MYH15: variants seen among roughly 807,000 people sequenced by gnomAD.
MYH15 encodes myosin heavy chain 15, also known as myosin-15.
MYH15 carries 227 observed loss-of-function variants against 240.5 expected under a neutral mutation model. The ratio of observed to expected loss-of-function variants is 0.94; its 90% CI spans 0.85 to 1.05. MYH15 has a LOEUF of 1.05. Ranked by LOEUF, MYH15 falls within the 50% of genes least tolerant of loss-of-function variation. MYH15 has a pLI of 0.00. For synonymous variants in MYH15, 785 were observed against 796.7 expected (o/e 0.99, Z 0.25); for missense variants, 2,217 against 2,247.5 (o/e 0.99, Z 0.27).
At chr3:108,486,716 T>G (rs2083308797) in intron 9 of MYH15, among the ~76,000 whole-genome samples, 190 bp from the exon 10 acceptor site, 1 of 152,280 alleles carries the variant, frequency 6.6e-6, no homozygotes, top group East Asian at 1.9e-4. Context: ...AGTCATGTGT[T>G]AATGCCTCCC....
At position 108,470,200 on chromosome 3, in the gene MYH15, C is replaced by A. The variant is rs750934547; in HGVS notation, c.1396G>T (p.Glu466Ter). Residue 466 changes from glutamate (E) to a stop codon, truncating the protein, a stop_gained, in exon 14 of 41, where the codon GAG becomes TAG. Transcript: ENST00000693548. LOFTEE classifies it high-confidence loss of function. ...GFEILEYNSL[E>*]QLCINFTNEK... ...TTGGTAAAATTAATGCAAAGTTGCT[C>A]AAGGCTATTATACTTCAAGGATATG... 6.2e-7 allele frequency: 1 copy of A among 1,603,622 alleles called. No homozygotes were observed.
the MYH15 span, among the ~76,000 whole-genome samples, chr3:108,548,941 T>C: frequency 2.6e-5 from 4 of 152,074 alleles, no homozygotes; most frequent in Admixed American, 6.6e-5. Context: ...AGACACAGCA[T>C]ACAGTTTCAT....
chr3:108,386,676 A>G (rs1425697485), intron 38 of MYH15, among the ~76,000 whole-genome samples: 1 of 151,746 alleles, frequency 6.6e-6, no homozygotes, highest in Non-Finnish European at 1.5e-5. Context: ...GCTTGCTTGC[A>G]TCTTCATCCT....
chr3:108,464,908 G>T, intron 14 of MYH15, 94 bp from the exon 15 acceptor site: 1 of 1,086,666 alleles, frequency 9.2e-7, no homozygotes, highest in Non-Finnish European at 1.3e-6. Flanking sequence ...AACCTAATCA[G>T]TTGACAAAGG....
chr3:108,444,721 T>C lies in MYH15; in HGVS notation c.2574A>G (p.Ser858=), dbSNP rs1384948410. The C allele has an allele frequency of 8.1e-6, 13 of 1,614,058 alleles. No individual in the cohort carries two copies. The highest frequency in any genetic ancestry group is 1.1e-5 in the Non-Finnish European group (13 of 1,179,956). ...CAQLQKALEK[S]EFQREELKAK... is the part of the protein sequence containing the mutation. ...CTTTCAGTTCCTCCCTCTGAAACTCTGATTTCTCCAAGGCTTTCTGTAATT... is the reference window on the plus strand; with the variant it reads ...CTTTCAGTTCCTCCCTCTGAAACTCCGATTTCTCCAAGGCTTTCTGTAATT... Residue 858 remains serine, a synonymous_variant, in exon 22 of 41, where the codon TCA becomes TCG. Transcript: ENST00000693548.
intron 11 of MYH15, among the ~76,000 whole-genome samples, chr3:108,478,998 A>G (rs1225422969): frequency 2.6e-5 from 4 of 152,224 alleles, no homozygotes; most frequent in African/African-American, 9.6e-5. Context: ...GATTTACATT[A>G]TACATCACAT....
At position 108,455,835 on chromosome 3, in the gene MYH15, G is replaced by C; in HGVS notation, c.2163C>G (p.Thr721=). Residue 721 remains threonine, a synonymous_variant, in exon 20 of 41, where the codon ACC becomes ACG. Coordinates refer to ENST00000693548, the MANE Select transcript of MYH15 (RefSeq NM_014981.3). ...KQRYCILNPR[T]FPKSKFVSSR... is the part of the protein sequence containing the mutation. ...TGCTCACAAACTTGCTCTTTGGAAA[G>C]GTCCTTGGATTCAGAATGCAGTACC... The C allele has an allele frequency of 6.2e-7, 1 of 1,612,896 alleles. No individual in the cohort carries two copies. The highest frequency in any genetic ancestry group is 8.5e-7 in the Non-Finnish European group (1 of 1,179,028).
intron 16 of MYH15, among the ~76,000 whole-genome samples, chr3:108,461,476 G>C (rs1178930717): frequency 2.6e-5 from 4 of 151,976 alleles, no homozygotes; most frequent in Non-Finnish European, 5.9e-5. Flanking sequence ...GGTGCTTAAA[G>C]AATTATTTAA....
chr3:108,521,863 C>A (rs908940458), intron 1 of MYH15, among the ~76,000 whole-genome samples: 1 of 152,136 alleles, frequency 6.6e-6, no homozygotes, highest in Non-Finnish European at 1.5e-5. Flanking sequence ...CTTTGGGAGA[C>A]TGCAAACCAT....
chr3:108,458,879 A>C (rs1416850346), intron 18 of MYH15, among the ~76,000 whole-genome samples: 1 of 152,308 alleles, frequency 6.6e-6, no homozygotes, highest in East Asian at 1.9e-4. Context: ...GAAAGAGGGA[A>C]GAAGATGTTG....
intron 11 of MYH15, among the ~76,000 whole-genome samples, chr3:108,478,408 T>C (rs1292584625): frequency 1.3e-5 from 2 of 152,152 alleles, no homozygotes; most frequent in East Asian, 3.9e-4. Flanking sequence ...GAAAAATAAA[T>C]GAAAATCAAA....
chr3:108,389,347 C>A (rs1251593433), intron 37 of MYH15, among the ~76,000 whole-genome samples: 7 of 152,168 alleles, frequency 4.6e-5, no homozygotes, highest in Non-Finnish European at 5.9e-5. Flanking sequence ...AAACCACACC[C>A]AAAGTGTATG....
At chr3:108,424,182 A>G (rs2082708375) in intron 27 of MYH15, among the ~76,000 whole-genome samples, 1 of 152,192 alleles carries the variant, frequency 6.6e-6, no homozygotes, top group African/African-American at 2.4e-5. Context: ...TTTTCAAGAG[A>G]GGTCTCCACG....
intron 2 of MYH15, among the ~76,000 whole-genome samples, chr3:108,504,738 G>A (rs151221209): frequency 6.6e-6 from 1 of 152,322 alleles, no homozygotes; most frequent in Non-Finnish European, 1.5e-5. Flanking sequence ...TGTGAAGTCA[G>A]CAATGTAGGC....
chr3:108,511,075 C>T (rs972469708), upstream of MYH15, among the ~76,000 whole-genome samples: 6 of 151,890 alleles, frequency 4.0e-5, no homozygotes, highest in African/African-American at 1.5e-4. Flanking sequence ...TAGGATATTC[C>T]AGATGGAGAA....
chr3:108,542,961 A>G, the MYH15 span, among the ~76,000 whole-genome samples: 2 of 149,942 alleles, frequency 1.3e-5, no homozygotes, highest in Admixed American at 1.3e-4. Context: ...GCTCACTGTA[A>G]CCTCTGCCTC....
At chr3:108,541,258 TGA>T in the MYH15 span, among the ~76,000 whole-genome samples, 14 of 151,548 alleles carry the variant, frequency 9.2e-5, no homozygotes, top group Admixed American at 2.6e-4. Flanking sequence ...CAAATAAATA[TGA>T]GAGATTGCTC....
chr3:108,432,630 G>A (rs1273143773), intron 25 of MYH15, among the ~76,000 whole-genome samples: 7 of 152,104 alleles, frequency 4.6e-5, no homozygotes, highest in South Asian at 2.1e-4. Flanking sequence ...CAGGGTCCCC[G>A]TGCTGCGTGC....
In MYH15 at chr3:108,394,018, T is replaced by C; in HGVS notation, c.5259+13A>G. The C allele has an allele frequency of 6.2e-7, 1 of 1,613,392 alleles. No individual in the cohort carries two copies. On this transcript the variant is annotated intron_variant, in intron 36 of 40. Transcript: ENST00000693548. ...CTGGGAGACAGGATTGAGTACGTGG[T>C]CAAGGGACCCACCTCAATGGCTGCC...
Sources: allele counts gnomAD v4.1 joint callset (sites outside exome capture counted in the v4.1 genomes callset), GRCh38; gene constraint gnomAD v4.1.1; transcripts MANE v1.5; gene names NCBI Gene and HGNC (gene_info 2026-07-23, HGNC 2026-07-21).